The following ANKRD28 variants were observed in gnomAD, a reference collection of about 807,000 sequenced individuals.
The protein encoded by ANKRD28 is serine/threonine-protein phosphatase 6 regulatory ankyrin repeat subunit A.
ANKRD28 carries 44 observed loss-of-function variants against 126.5 expected under a neutral mutation model. The ratio of observed to expected loss-of-function variants is 0.35; its 90% CI spans 0.27 to 0.45. ANKRD28 has a LOEUF of 0.45. Ranked by LOEUF, ANKRD28 falls within the 20% of genes least tolerant of loss-of-function variation. The probability of loss-of-function intolerance (pLI) is 1.00; values close to 1 mark genes in which losing one functional copy is unlikely to be tolerated. For synonymous variants in ANKRD28, 442 were observed against 468.5 expected (o/e 0.94, Z 0.73); for missense variants, 1,110 against 1,316.6 (o/e 0.84, Z 2.43).
intron 2 of ANKRD28, among the ~76,000 whole-genome samples, chr3:15,775,739 A>G (rs1219773592): frequency 6.6e-6 from 1 of 152,198 alleles, no homozygotes; most frequent in African/African-American, 2.4e-5. Context: ...AGGGCGTGCA[A>G]CTTCCATTCC....
intron 14 of ANKRD28, among the ~76,000 whole-genome samples, chr3:15,704,375 T>C (rs189545787): frequency 3.3e-5 from 5 of 152,286 alleles, no homozygotes; most frequent in African/African-American, 9.6e-5. Flanking sequence ...AGCAGAATTA[T>C]AATTACTGTA....
Position 15,796,643 on chromosome 3 carries a change from G to GTTT in ANKRD28, c.-125_-123dup, listed in dbSNP as rs34139082. 0.062 allele frequency: 54,350 copies of GTTT among 878,704 alleles called. 6 individuals are homozygous for GTTT. Among genetic ancestry groups the GTTT allele is most frequent in the Non-Finnish European group, 0.069 (50,857 of 732,618 alleles). The allele number at this position is 878,704 out of a possible 1,614,324, so 54.4% of individuals were successfully genotyped here. Reference sequence around the variant, plus strand: ...AACATTCTCTGAACAGCACAGCTGGGTTTTTTTTTTTTTTAAAGTTAATAA... The same window carrying GTTT: ...AACATTCTCTGAACAGCACAGCTGGGTTTTTTTTTTTTTTTTTAAAGTTAATAA... On this transcript the variant is annotated 5_prime_UTR_variant, in exon 1 of 28. Coordinates refer to ENST00000683139, the MANE Select transcript of ANKRD28 (RefSeq NM_001349278.2).
chr3:15,810,249 T>C (rs1436001881), intron 1 of ANKRD28, among the ~76,000 whole-genome samples: 1 of 151,536 alleles, frequency 6.6e-6, no homozygotes, highest in Non-Finnish European at 1.5e-5. Flanking sequence ...GGTGAAACAG[T>C]AAACTGGGAC....
Position 15,685,294 on chromosome 3 carries a change from G to C in ANKRD28, c.2321C>G (p.Ser774Cys). ...VLGALLQSAA[S>C]MDANPATADN... Reference sequence around the variant, plus strand: ...TGCTGTGGCTGGATTTGCATCCATAGATGCTGCTGACTGCAAAAGGGCTCC... The same window carrying C: ...TGCTGTGGCTGGATTTGCATCCATACATGCTGCTGACTGCAAAAGGGCTCC... Residue 774 changes from serine to cysteine, a missense_variant, in exon 21 of 28, where the codon TCT becomes TGT. Ser to Cys is a moderately radical substitution (Grantham distance 112). Coordinates refer to ENST00000683139, the MANE Select transcript of ANKRD28 (RefSeq NM_001349278.2). The C allele has an allele frequency of 1.9e-6, 3 of 1,613,996 alleles. No homozygotes were observed. Among genetic ancestry groups the C allele is most frequent in the Non-Finnish European group, 2.5e-6 (3 of 1,179,888 alleles).
intron 27 of ANKRD28, among the ~76,000 whole-genome samples, chr3:15,671,364 A>G (rs17041429): frequency 0.041 from 6,273 of 152,246 alleles, 420 homozygotes; most frequent in African/African-American, 0.14. Flanking sequence ...CCAAGCTTCA[A>G]TTATACCATA....
At chr3:15,787,178 T>C (rs1320223002) in intron 2 of ANKRD28, among the ~76,000 whole-genome samples, 3 of 152,062 alleles carry the variant, frequency 2.0e-5, no homozygotes, top group East Asian at 3.9e-4. Flanking sequence ...AAAAGGAAAA[T>C]GCAGAACTCA....
intron 15 of ANKRD28, 50 bp from the exon 16 acceptor site, chr3:15,695,264 A>G (rs1277600327): frequency 3.7e-6 from 5 of 1,357,860 alleles, no homozygotes; most frequent in Non-Finnish European, 5.2e-6. Context: ...GTATTCATCT[A>G]TATTAAGTCT....
In ANKRD28 at chr3:15,737,177, A is replaced by G. The variant is rs1207464834; in HGVS notation, c.408T>C (p.Asn136=). ...CAGCTATATGTAAAGGGGTTTGCCA[A>G]TTTTTGTCTCGAGCATTAACATCTG... The part of the protein sequence containing the change: ...HSADVNARDK[N]WQTPLHIAAA... The change falls in exon 5 of 28, where the codon AAT becomes AAC. Residue 136 remains asparagine, a synonymous_variant. Coordinates refer to ENST00000683139, the MANE Select transcript of ANKRD28 (RefSeq NM_001349278.2). 1.9e-6 allele frequency: 3 copies of G among 1,614,040 alleles called. No homozygotes were observed. The highest frequency in any genetic ancestry group is 1.7e-6 in the Non-Finnish European group (2 of 1,179,884).
At chr3:15,844,603 G>T (rs1339275516) in intron 1 of ANKRD28, among the ~76,000 whole-genome samples, 3 of 152,144 alleles carry the variant, frequency 2.0e-5, no homozygotes, top group Admixed American at 2.0e-4. Context: ...AATATGAACA[G>T]GTTGATTAGT....
rs1173894329 is a variant in ANKRD28, at chr3:15,667,275, A to G, written c.*2995T>C. ...AAACTTTATTTCTTTTAAAAGGTCC[A>G]ATATAAGCCAAATTAACCCCAAAAT... On this transcript the variant is annotated 3_prime_UTR_variant, in exon 28 of 28. Coordinates refer to ENST00000683139, the MANE Select transcript of ANKRD28 (RefSeq NM_001349278.2). 6.6e-6 allele frequency: 1 copy of G among 152,386 alleles called. No homozygotes were observed. The highest frequency in any genetic ancestry group is 1.9e-4 in the East Asian group (1 of 5,192). 9.4% of individuals were successfully genotyped at this position (152,386 alleles called of 1,614,324 possible).
At chr3:15,702,304 T>C (rs931528273) in intron 14 of ANKRD28, among the ~76,000 whole-genome samples, 13 of 152,220 alleles carry the variant, frequency 8.5e-5, no homozygotes, top group African/African-American at 3.1e-4. Context: ...TATAAAATAC[T>C]GAATCACAAA....
chr3:15,700,730 C>T lies in ANKRD28; in HGVS notation c.1548-4485G>A, dbSNP rs144487002. On this transcript the variant is annotated intron_variant, in intron 14 of 27. Coordinates refer to ENST00000683139, the MANE Select transcript of ANKRD28 (RefSeq NM_001349278.2). ...CGGAGGTTGCAGTGAGCAGAGATCG[C>T]GCCACTGCACTCCAGCCTGGCGACA... Among the ~76,000 whole-genome samples, 106 of 152,150 alleles carry T rather than the reference C, an allele frequency of 7.0e-4. No individual in the cohort carries two copies. The East Asian group carries it at 0.019, about 27-fold the overall frequency.
chr3:15,771,211 A>C (rs1236430245), intron 2 of ANKRD28, among the ~76,000 whole-genome samples: 1 of 151,978 alleles, frequency 6.6e-6, no homozygotes, highest in Non-Finnish European at 1.5e-5. Flanking sequence ...GGAGTTGGAG[A>C]CCAACCCGGC....
At chr3:15,677,095 C>A in intron 25 of ANKRD28, 39 bp from the exon 26 acceptor site, 1 of 1,523,076 alleles carries the variant, frequency 6.6e-7, no homozygotes, top group Non-Finnish European at 9.1e-7. Flanking sequence ...ACTTGAGCAC[C>A]ATTAAAGATA....
At chr3:15,771,135 C>T (rs751039160) in intron 2 of ANKRD28, among the ~76,000 whole-genome samples, 18 of 152,092 alleles carry the variant, frequency 1.2e-4, no homozygotes, top group Middle Eastern at 3.2e-3. Flanking sequence ...CCAGGCAGGG[C>T]GCAGTGGCTC....
chr3:15,679,858 A>C (rs1220232066), intron 21 of ANKRD28, among the ~76,000 whole-genome samples: 2 of 152,060 alleles, frequency 1.3e-5, no homozygotes. Context: ...GAAAAAAAAA[A>C]CAGAGCAGAC....
chr3:15,784,271 T>C (rs1162209472), intron 2 of ANKRD28, among the ~76,000 whole-genome samples: 1 of 151,896 alleles, frequency 6.6e-6, no homozygotes, highest in Non-Finnish European at 1.5e-5. Flanking sequence ...CAGACAATAG[T>C]TTGTTCAAAA....
intron 1 of ANKRD28, among the ~76,000 whole-genome samples, chr3:15,836,972 C>T (rs566227470): frequency 8.6e-5 from 13 of 151,784 alleles, no homozygotes; most frequent in South Asian, 4.2e-4. Context: ...TGGTGGCGGG[C>T]GCCTGTAGTC....
intron 8 of ANKRD28, among the ~76,000 whole-genome samples, chr3:15,720,556 C>T (rs555386877): frequency 1.3e-5 from 2 of 152,160 alleles, no homozygotes; most frequent in Non-Finnish European, 2.9e-5. Context: ...TCAGTTTTGA[C>T]AAATGTATAT....
Sources: gnomAD v4.1 joint callset for allele counts (sites outside exome capture counted in the v4.1 genomes callset) on GRCh38, gnomAD v4.1.1 for gene constraint, MANE v1.5 for transcripts, NCBI Gene and HGNC (gene_info 2026-07-23, HGNC 2026-07-21) for gene names.